The following SLC35F4 variants were observed in gnomAD, a reference collection of about 807,000 sequenced individuals.
The protein encoded by SLC35F4 is chromosome 14 open reading frame 36.
SLC35F4 carries 24 observed loss-of-function variants against 44.2 expected under a neutral mutation model. That is an observed-to-expected ratio of 0.54 (90% CI 0.39 to 0.76). The LOEUF is 0.76. Among genes scored for constraint, SLC35F4 ranks in the 30% least tolerant of loss-of-function variants. The pLI, the probability that SLC35F4 is intolerant of heterozygous loss-of-function variation, is 0.00. For synonymous variants in SLC35F4, 238 were observed against 223.6 expected (o/e 1.06, Z -0.57); for missense variants, 562 against 586.1 (o/e 0.96, Z 0.42).
chr14:57,648,153 T>A (rs78651637), intron 1 of SLC35F4, among the ~76,000 whole-genome samples: 20,218 of 152,110 alleles, frequency 0.13, 1,592 homozygotes, highest in East Asian at 0.22. Flanking sequence ...GGTGTCAAAA[T>A]CTTGGAAAAA....
chr14:57,749,604 T>C (rs1849348930), intron 1 of SLC35F4, among the ~76,000 whole-genome samples: 1 of 152,182 alleles, frequency 6.6e-6, no homozygotes. Flanking sequence ...GTAATAAATG[T>C]ACTCTGCTTC....
At chr14:57,737,576 T>C (rs777163220) in intron 1 of SLC35F4, among the ~76,000 whole-genome samples, 4 of 152,054 alleles carry the variant, frequency 2.6e-5, no homozygotes, top group Non-Finnish European at 5.9e-5. Flanking sequence ...AGGTTAAATG[T>C]ATAAGCTGTG....
intron 1 of SLC35F4, among the ~76,000 whole-genome samples, chr14:57,900,082 ACATTT>A (rs1888967759): frequency 8.5e-6 from 1 of 118,086 alleles, no homozygotes; most frequent in Non-Finnish European, 1.9e-5. Context: ...ACTGATTGGT[ACATTT>A]TACAGAGCAC....
At position 57,668,861 on chromosome 14, in the gene SLC35F4, G is replaced by C. The variant is rs1232832896; in HGVS notation, c.104-74737C>G. Among the ~76,000 whole-genome samples, 5 of 152,126 alleles carry C rather than the reference G, an allele frequency of 3.3e-5. 1 individual carries two copies. The highest frequency in any genetic ancestry group is 2.1e-4 in the South Asian group (1 of 4,824). On this transcript the variant is annotated intron_variant, in intron 1 of 7. Coordinates refer to ENST00000556826, the MANE Select transcript of SLC35F4 (RefSeq NM_001306087.2). ...CTTTAAAGTAGTTTTTTCCAATTCT[G>C]TGAACAAAGTCATTGGTAGCTTGAT...
intron 1 of SLC35F4, among the ~76,000 whole-genome samples, chr14:57,643,297 C>A (rs2073336231): frequency 6.6e-6 from 1 of 151,962 alleles, no homozygotes; most frequent in South Asian, 2.1e-4. Flanking sequence ...GTAATGCATA[C>A]CAAGGACTCT....
chr14:57,742,775 T>C (rs2076647491), intron 1 of SLC35F4, among the ~76,000 whole-genome samples: 2 of 152,206 alleles, frequency 1.3e-5, no homozygotes, highest in Non-Finnish European at 2.9e-5. Context: ...CATATATTCT[T>C]CTCAGCACCA....
chr14:57,886,773 T>C (rs1013074983), intron 1 of SLC35F4, among the ~76,000 whole-genome samples: 2 of 149,666 alleles, frequency 1.3e-5, no homozygotes, highest in African/African-American at 4.9e-5. Flanking sequence ...AAAAAATGGG[T>C]CAATGAACTA....
At chr14:57,955,083 G>T (rs1370619247) in intron 1 of SLC35F4, among the ~76,000 whole-genome samples, 1 of 151,820 alleles carries the variant, frequency 6.6e-6, no homozygotes, top group Non-Finnish European at 1.5e-5. Flanking sequence ...ACATCAAAAA[G>T]CTTATCCACC....
rs113432819 is a variant in SLC35F4 at position 57,673,555 on chromosome 14, A to C, written c.104-79431T>G. 2.6e-5 allele frequency among the ~76,000 whole-genome samples: 4 copies of C among 152,194 alleles called. 1 individual carries two copies. Among genetic ancestry groups the C allele is most frequent in the South Asian group, 2.1e-4 (1 of 4,826 alleles). On this transcript the variant is annotated intron_variant, in intron 1 of 7. Transcript: ENST00000556826. Reference sequence around the variant, plus strand: ...ACTCCAGAAAATTTGAAGAAGATAGAAACTGCCTCATCAGGGCAGCCTATC... The same window carrying C: ...ACTCCAGAAAATTTGAAGAAGATAGCAACTGCCTCATCAGGGCAGCCTATC...
At chr14:57,677,121 A>G (rs1039246267) in intron 1 of SLC35F4, among the ~76,000 whole-genome samples, 2 of 152,094 alleles carry the variant, frequency 1.3e-5, no homozygotes, top group Non-Finnish European at 2.9e-5. Context: ...ACGTGGGTGG[A>G]GCTGGAGGCC....
intron 1 of SLC35F4, among the ~76,000 whole-genome samples, chr14:57,604,435 A>G (rs920481196): frequency 6.6e-6 from 1 of 152,234 alleles, no homozygotes; most frequent in African/African-American, 2.4e-5. Context: ...ATTATAAAAC[A>G]CTGCTGAAAG....
At chr14:57,859,255 A>T (rs2141006411) in intron 1 of SLC35F4, among the ~76,000 whole-genome samples, 1 of 152,352 alleles carries the variant, frequency 6.6e-6, no homozygotes, top group South Asian at 2.1e-4. Context: ...GACTATATGC[A>T]TCCACTAAAA....
At chr14:57,611,019 T>A (rs1480681245) in intron 1 of SLC35F4, among the ~76,000 whole-genome samples, 2 of 152,222 alleles carry the variant, frequency 1.3e-5, no homozygotes, top group African/African-American at 4.8e-5. Flanking sequence ...GGTGTCTAGT[T>A]ACATAAGGTT....
chr14:57,742,786 C>T (rs2076648173), intron 1 of SLC35F4, among the ~76,000 whole-genome samples: 1 of 152,202 alleles, frequency 6.6e-6, no homozygotes, highest in Non-Finnish European at 1.5e-5. Flanking sequence ...CTCAGCACCA[C>T]ATCACACTTA....
At chr14:57,930,842 C>T (rs770887259) in intron 1 of SLC35F4, among the ~76,000 whole-genome samples, 12 of 152,056 alleles carry the variant, frequency 7.9e-5, no homozygotes, top group Non-Finnish European at 1.5e-4. Flanking sequence ...ACCACCTAAT[C>T]GTATAATTCC....
chr14:57,613,873 GTAAAGT>G (rs1334785960), intron 1 of SLC35F4, among the ~76,000 whole-genome samples: 1 of 152,198 alleles, frequency 6.6e-6, no homozygotes, highest in Non-Finnish European at 1.5e-5. Flanking sequence ...CATCTACCTA[GTAAAGT>G]TGTTGTAAGG....
intron 1 of SLC35F4, among the ~76,000 whole-genome samples, chr14:57,698,916 A>G (rs1285377178): frequency 6.6e-6 from 1 of 152,146 alleles, no homozygotes; most frequent in Non-Finnish European, 1.5e-5. Flanking sequence ...GTGAGACACC[A>G]TGCCTGGCCA....
chr14:57,955,961 A>G (rs561752069), intron 1 of SLC35F4, among the ~76,000 whole-genome samples: 36 of 152,326 alleles, frequency 2.4e-4, no homozygotes, highest in African/African-American at 8.7e-4. Context: ...CTATGGAACC[A>G]AAAAAGAGCC....
At chr14:57,582,045 T>TACAA (rs1210835294) in intron 3 of SLC35F4, among the ~76,000 whole-genome samples, 6 of 152,364 alleles carry the variant, frequency 3.9e-5, no homozygotes, top group African/African-American at 1.4e-4. Flanking sequence ...TGTACTTATA[T>TACAA]ACAAACATTT....
Sources: allele counts gnomAD v4.1 joint callset (sites outside exome capture counted in the v4.1 genomes callset), GRCh38; gene constraint gnomAD v4.1.1; transcripts MANE v1.5; gene names NCBI Gene and HGNC (gene_info 2026-07-23, HGNC 2026-07-21).